The following MAGI1 variants were observed in gnomAD, a reference collection of about 807,000 sequenced individuals.
MAGI1 encodes the protein membrane associated guanylate kinase, WW and PDZ domain containing 1, also known as membrane-associated guanylate kinase, WW and PDZ domain-containing protein 1.
A neutral mutation model predicts 139.9 loss-of-function variants in MAGI1; 58 were observed. The ratio of observed to expected loss-of-function variants is 0.41; its 90% confidence interval spans 0.34 to 0.52. The LOEUF (loss-of-function observed/expected upper bound fraction) is 0.52. MAGI1 is among the 20% of genes least tolerant of loss of function. MAGI1 has a pLI of 0.12. For synonymous variants in MAGI1, 812 were observed against 737.9 expected (o/e 1.10, Z -1.63); for missense variants, 1,874 against 1,901.6 (o/e 0.99, Z 0.27).
chr3:65,659,240 G>A (rs923370775), intron 1 of MAGI1, among the ~76,000 whole-genome samples: 1 of 152,042 alleles, frequency 6.6e-6, no homozygotes, highest in East Asian at 1.9e-4. Flanking sequence ...AAATGAGGCA[G>A]GAATAAAACA....
intron 1 of MAGI1, among the ~76,000 whole-genome samples, chr3:65,644,697 T>C (rs571081248): frequency 2.0e-5 from 3 of 151,740 alleles, no homozygotes; most frequent in African/African-American, 4.8e-5. Flanking sequence ...AATTTGAAGG[T>C]AGGATATTAA....
chr3:65,425,108 TAAAAAAAAAAAAAAA>T (rs72030632), intron 12 of MAGI1, among the ~76,000 whole-genome samples: 3 of 66,596 alleles, frequency 4.5e-5, no homozygotes, highest in Non-Finnish European at 1.0e-4. Flanking sequence ...GTAGAACTTC[TAAAAAAAAAAAAAAA>T]AAAAAAAAAC....
intron 1 of MAGI1, among the ~76,000 whole-genome samples, chr3:65,754,966 T>G (rs1445346523): frequency 2.0e-5 from 3 of 151,880 alleles, no homozygotes; most frequent in African/African-American, 7.2e-5. Flanking sequence ...AAATTTTTTT[T>G]TTTTTGAGAT....
intron 10 of MAGI1, among the ~76,000 whole-genome samples, chr3:65,433,432 AG>A (rs1324789481): frequency 1.3e-5 from 2 of 152,328 alleles, no homozygotes; most frequent in Admixed American, 6.5e-5. Flanking sequence ...ATGTTTAACA[AG>A]GGAAGGAAAA....
intron 1 of MAGI1, among the ~76,000 whole-genome samples, chr3:65,647,635 T>C (rs2085337835): frequency 6.6e-6 from 1 of 152,184 alleles, no homozygotes; most frequent in South Asian, 2.1e-4. Flanking sequence ...ACAATATTAA[T>C]ATGTTAACGA....
intron 1 of MAGI1, among the ~76,000 whole-genome samples, chr3:65,632,821 C>T (rs993991037): frequency 3.9e-5 from 6 of 152,060 alleles, no homozygotes; most frequent in South Asian, 2.1e-4. Flanking sequence ...GTTGGTCATG[C>T]CTCTTCAGGT....
chr3:66,017,082 T>C (rs1219780427), intron 1 of MAGI1, among the ~76,000 whole-genome samples: 2 of 152,222 alleles, frequency 1.3e-5, no homozygotes, highest in East Asian at 3.9e-4. Flanking sequence ...AACCTGAATA[T>C]ACTTAATGCC....
intron 1 of MAGI1, among the ~76,000 whole-genome samples, chr3:65,639,769 G>T (rs891579003): frequency 6.6e-6 from 1 of 152,018 alleles, no homozygotes; most frequent in African/African-American, 2.4e-5. Context: ...TTGGGAGGCC[G>T]AGGTGGGCAG....
At chr3:65,883,122 C>G (rs1018837279) in intron 1 of MAGI1, among the ~76,000 whole-genome samples, 4 of 152,078 alleles carry the variant, frequency 2.6e-5, no homozygotes, top group East Asian at 1.9e-4. Context: ...GTGGCTCAAG[C>G]TGTAGTAAAA....
chr3:65,934,644 A>C (rs2062961863), intron 1 of MAGI1, among the ~76,000 whole-genome samples: 1 of 148,502 alleles, frequency 6.7e-6, no homozygotes, highest in African/African-American at 2.6e-5. Context: ...GGGCCATTTA[A>C]TGGTGCCAGA....
intron 1 of MAGI1, among the ~76,000 whole-genome samples, chr3:65,714,508 C>G (rs552308206): frequency 6.6e-6 from 1 of 152,006 alleles, no homozygotes; most frequent in Non-Finnish European, 1.5e-5. Context: ...TGGGAGCCTA[C>G]GTAAACATGA....
chr3:65,777,397 T>C (rs901979181), intron 1 of MAGI1, among the ~76,000 whole-genome samples: 6 of 152,128 alleles, frequency 3.9e-5, no homozygotes, highest in Admixed American at 1.3e-4. Context: ...AAGTAAGTAC[T>C]GACAAATAAA....
intron 2 of MAGI1, among the ~76,000 whole-genome samples, chr3:65,618,119 G>C (rs75340907): frequency 0.022 from 3,394 of 152,242 alleles, 97 homozygotes; most frequent in African/African-American, 0.071. Context: ...TAGATAGGCA[G>C]CGAAATAGGA....
intron 1 of MAGI1, among the ~76,000 whole-genome samples, chr3:65,648,615 C>T (rs907405108): frequency 1.3e-5 from 2 of 152,040 alleles, no homozygotes; most frequent in Non-Finnish European, 2.9e-5. Context: ...TTCAAAGAGT[C>T]GACACAGTAA....
At chr3:65,658,424 T>C (rs2086007531) in intron 1 of MAGI1, among the ~76,000 whole-genome samples, 1 of 152,208 alleles carries the variant, frequency 6.6e-6, no homozygotes, top group South Asian at 2.1e-4. Context: ...AAATGTTTAG[T>C]TGCTCTGTTC....
intron 1 of MAGI1, among the ~76,000 whole-genome samples, chr3:65,723,353 T>C (rs1367012532): frequency 1.3e-5 from 2 of 152,190 alleles, no homozygotes; most frequent in Non-Finnish European, 2.9e-5. Flanking sequence ...CCTGGACTTT[T>C]CATGCAGAAC....
chr3:65,366,842 C>T (rs1204962469), intron 18 of MAGI1, among the ~76,000 whole-genome samples: 1 of 152,102 alleles, frequency 6.6e-6, no homozygotes, highest in Non-Finnish European at 1.5e-5. Flanking sequence ...GCATATTGTT[C>T]GTATATTTTA....
chr3:65,414,803 GCAGGCAGATCACCTGAC>G (rs1455596682), intron 12 of MAGI1, among the ~76,000 whole-genome samples: 1 of 151,438 alleles, frequency 6.6e-6, no homozygotes. Context: ...GGAGGCCGAG[GCAGGCAGATCACCTGAC>G]CAGCCAGATC....
At chr3:66,035,705 T>TAC (rs751046919) in intron 1 of MAGI1, among the ~76,000 whole-genome samples, 4 of 151,910 alleles carry the variant, frequency 2.6e-5, no homozygotes, top group South Asian at 2.1e-4. Context: ...TACATACATA[T>TAC]ACACACACAC....
Sources: allele counts gnomAD v4.1 joint callset (sites outside exome capture counted in the v4.1 genomes callset), GRCh38; gene constraint gnomAD v4.1.1; transcripts MANE v1.5; gene names NCBI Gene and HGNC (gene_info 2026-07-23, HGNC 2026-07-21).